Variants in CCDC73 observed in about 807,000 individuals in gnomAD.
The protein encoded by CCDC73 is coiled-coil domain-containing protein 73.
In CCDC73, 95 loss-of-function variants were observed where a neutral mutation model predicts 116.5. The ratio of observed to expected loss-of-function variants is 0.82; its 90% confidence interval spans 0.69 to 0.97. The LOEUF (loss-of-function observed/expected upper bound fraction) is 0.97. Among genes scored for constraint, CCDC73 ranks in the 50% least tolerant of loss-of-function variants. CCDC73 has a pLI of 0.00. For missense variants in CCDC73, 1,066 were observed against 1,206.8 expected, an observed-to-expected ratio of 0.88 and a Z score of 1.73; for synonymous variants, 398 against 401.3, an observed-to-expected ratio of 0.99 and a Z score of 0.10.
At chr11:32,728,073 G>A (rs1590616297) in intron 2 of CCDC73, among the ~76,000 whole-genome samples, 1 of 151,898 alleles carries the variant, frequency 6.6e-6, no homozygotes, top group African/African-American at 2.4e-5. Flanking sequence ...GCCACATAAG[G>A]AGACCTCATC....
At chr11:32,736,040 C>T (rs1419930173) in intron 2 of CCDC73, among the ~76,000 whole-genome samples, 2 of 152,046 alleles carry the variant, frequency 1.3e-5, no homozygotes, top group Non-Finnish European at 2.9e-5. Flanking sequence ...AATGTTAGAC[C>T]TAAAACCATA....
chr11:32,716,229 GA>G (rs1206996469), intron 3 of CCDC73, among the ~76,000 whole-genome samples: 1 of 152,072 alleles, frequency 6.6e-6, no homozygotes. Flanking sequence ...GTAAAGGTAG[GA>G]ATCTGGCTTT....
the CCDC73 span, among the ~76,000 whole-genome samples, chr11:32,822,596 C>T: frequency 6.6e-6 from 1 of 152,062 alleles, no homozygotes; most frequent in African/African-American, 2.4e-5. Flanking sequence ...TTATGTTGAA[C>T]CATATGAAAT....
chr11:32,631,078 C>T (rs1855627074), intron 14 of CCDC73, among the ~76,000 whole-genome samples: 1 of 152,186 alleles, frequency 6.6e-6, no homozygotes, highest in Non-Finnish European at 1.5e-5. Flanking sequence ...CTTACAAACA[C>T]ATGAAGCAAA....
At chr11:32,790,493 C>T (rs546817584) in intron 1 of CCDC73, among the ~76,000 whole-genome samples, 44 of 152,098 alleles carry the variant, frequency 2.9e-4, no homozygotes, top group Non-Finnish European at 5.4e-4. Context: ...GGCTTATTAA[C>T]CTCCAAGTGA....
rs576144432 is a variant in CCDC73 at position 32,694,263 on chromosome 11, C to T, written c.390+4988G>A. On this transcript the variant is annotated intron_variant, in intron 6 of 17. Coordinates refer to ENST00000335185, the MANE Select transcript of CCDC73 (RefSeq NM_001008391.4). ...TGCAAAAATCACAAGCATTCCTATA[C>T]ACCAATAACAGACAAACAGAGAGCC... Among the ~76,000 whole-genome samples the T allele has an allele frequency of 1.6e-3, 251 of 152,258 alleles. 1 individual carries two copies. Among genetic ancestry groups the T allele is most frequent in the African/African-American group, 5.6e-3 (232 of 41,542 alleles).
chr11:32,735,113 A>G (rs12287304), intron 2 of CCDC73, among the ~76,000 whole-genome samples: 1,818 of 152,322 alleles, frequency 0.012, 35 homozygotes, highest in African/African-American at 0.041. Flanking sequence ...CTGGCACAAG[A>G]CAGGGATGCC....
chr11:32,703,334 A>G (rs1388050604), intron 3 of CCDC73, among the ~76,000 whole-genome samples: 5 of 151,888 alleles, frequency 3.3e-5, no homozygotes, highest in African/African-American at 1.2e-4. Flanking sequence ...GCGACCCACC[A>G]CTTCGGCCTC....
intron 13 of CCDC73, 30 bp downstream of exon 13, chr11:32,641,941 AT>A: frequency 7.5e-7 from 1 of 1,341,464 alleles, no homozygotes; most frequent in Non-Finnish European, 9.7e-7. Flanking sequence ...TATTTAAAAT[AT>A]TTTAATATTT....
chr11:32,611,525 T>G (rs1233208309), intron 16 of CCDC73, among the ~76,000 whole-genome samples: 5 of 152,184 alleles, frequency 3.3e-5, no homozygotes, highest in African/African-American at 1.2e-4. Context: ...AGAAATGGTA[T>G]AAATACCTTC....
chr11:32,678,096 T>C (rs1050176057), intron 7 of CCDC73, among the ~76,000 whole-genome samples: 1 of 150,738 alleles, frequency 6.6e-6, no homozygotes, highest in Non-Finnish European at 1.5e-5. Flanking sequence ...CTGGCCAACA[T>C]AGTGAAACCC....
rs770851614 is a variant in CCDC73, at chr11:32,635,730, T to G, written c.1151A>C (p.Asn384Thr). Residue 384 changes from asparagine (N) to threonine (T), a missense_variant, in exon 14 of 18, where the codon AAT (asparagine) becomes ACT (threonine). Asn to Thr is a moderately conservative substitution (Grantham distance 65, BLOSUM62 0). Transcript: ENST00000335185. ...TTTGTCTTCCTCAAATGTTTTTTGATTGCATAATTTGTTATAATGTTCTTG... is the reference window on the plus strand; with the variant it reads ...TTTGTCTTCCTCAAATGTTTTTTGAGTGCATAATTTGTTATAATGTTCTTG... ...KLQEHYNKLC[N>T]QKTFEEDKKF... 22 of 1,304,488 alleles carry G rather than the reference T, an allele frequency of 1.7e-5. 1 individual carries two copies. In the Middle Eastern group the frequency reaches 6.2e-4, roughly 36 times the overall value. The allele number at this position is 1,304,488 out of a possible 1,614,324, so 80.8% of individuals were successfully genotyped here.
At chr11:32,716,144 T>C (rs1242953042) in intron 3 of CCDC73, among the ~76,000 whole-genome samples, 1 of 152,166 alleles carries the variant, frequency 6.6e-6, no homozygotes, top group African/African-American at 2.4e-5. Context: ...TTGGTGATAT[T>C]TGAGGGAATG....
chr11:32,665,339 C>A (rs954684101), intron 9 of CCDC73, among the ~76,000 whole-genome samples: 1 of 152,100 alleles, frequency 6.6e-6, no homozygotes, highest in Non-Finnish European at 1.5e-5. Context: ...AATCTGGGTG[C>A]TCCTGTATTG....
At chr11:32,790,848 C>T (rs925768326) in intron 1 of CCDC73, among the ~76,000 whole-genome samples, 1 of 152,088 alleles carries the variant, frequency 6.6e-6, no homozygotes, top group African/African-American at 2.4e-5. Flanking sequence ...TCTAAGGCAA[C>T]ATACCAGAGA....
At chr11:32,787,760 G>T (rs1045366043) in intron 1 of CCDC73, among the ~76,000 whole-genome samples, 1 of 152,050 alleles carries the variant, frequency 6.6e-6, no homozygotes, top group Non-Finnish European at 1.5e-5. Context: ...ACACAAGCTG[G>T]TGCATGTGTA....
At chr11:32,805,644 A>C in the CCDC73 span, among the ~76,000 whole-genome samples, 1 of 152,242 alleles carries the variant, frequency 6.6e-6, no homozygotes, top group Admixed American at 6.5e-5. Context: ...TCTACCATAC[A>C]AATTGATATT....
intron 13 of CCDC73, 75 bp downstream of exon 13, chr11:32,641,897 C>G (rs1343736124): frequency 9.1e-7 from 1 of 1,101,936 alleles, no homozygotes; most frequent in African/African-American, 1.6e-5. Flanking sequence ...GCAATATTTT[C>G]TTAGCATTTA....
intron 12 of CCDC73, among the ~76,000 whole-genome samples, chr11:32,645,291 CTTT>C (rs397689348): frequency 0.02 from 2,409 of 121,040 alleles, 28 homozygotes; most frequent in South Asian, 0.029. Context: ...TTTTCTTTTT[CTTT>C]TTTTTTTTTT....
Sources: gnomAD v4.1 joint callset for allele counts (sites outside exome capture counted in the v4.1 genomes callset) on GRCh38, gnomAD v4.1.1 for gene constraint, MANE v1.5 for transcripts, NCBI Gene and HGNC (gene_info 2026-07-23, HGNC 2026-07-21) for gene names.